Variants in RO60 observed in about 807,000 individuals in gnomAD.
The protein encoded by RO60 is RNA-binding protein RO60.
A neutral mutation model predicts 55.3 loss-of-function variants in RO60; 20 were observed. That is an observed-to-expected ratio of 0.36 (90% CI 0.25 to 0.53). RO60 has a LOEUF of 0.53. Ranked by LOEUF, RO60 falls within the 20% of genes least tolerant of loss-of-function variation. The pLI is 0.92. For missense variants in RO60, 558 were observed against 646.6 expected, an observed-to-expected ratio of 0.86 and a Z score of 1.49; for synonymous variants, 213 against 213.6, an observed-to-expected ratio of 1.00 and a Z score of 0.02.
chr1:193,063,121 G>T (rs1315226740), intron 1 of RO60, among the ~76,000 whole-genome samples: 1 of 152,158 alleles, frequency 6.6e-6, no homozygotes, highest in Non-Finnish European at 1.5e-5. Context: ...CAAAGTGGCT[G>T]TATGATTTTA....
chr1:193,065,584 C>T (rs537357353), intron 1 of RO60, among the ~76,000 whole-genome samples: 1 of 152,190 alleles, frequency 6.6e-6, no homozygotes, highest in African/African-American at 2.4e-5. Flanking sequence ...ACATTGTCTA[C>T]TGGAATTGGC....
chr1:193,073,013 T>A (rs892266280), intron 2 of RO60, among the ~76,000 whole-genome samples: 6 of 152,238 alleles, frequency 3.9e-5, no homozygotes, highest in Admixed American at 6.5e-5. Context: ...ATTAATAGTA[T>A]TTTAATGCCT....
chr1:193,084,661 T>G lies in RO60; in HGVS notation c.1547T>G (p.Met516Arg). The G allele has an allele frequency of 6.2e-7, 1 of 1,613,954 alleles. No homozygotes were observed. The highest frequency in any genetic ancestry group is 8.5e-7 in the Non-Finnish European group (1 of 1,179,924). ...ATTGCAGACCCAGATGATAGAGGCA[T>G]GTTGGATATGTGCGGCTTTGATACT... ...FTIADPDDRG[M>R]LDMCGFDTGA... Residue 516 changes from methionine (M) to arginine (R), a missense_variant, in exon 9 of 9, where the codon ATG (methionine) becomes AGG (arginine). Physicochemically the swap from Met to Arg is moderately conservative, Grantham distance 91. Transcript: ENST00000400968.
At chr1:193,070,728 C>G (rs1208379325) in intron 2 of RO60, 2 of 222,930 alleles carry the variant, frequency 9.0e-6, no homozygotes, top group African/African-American at 4.6e-5. Context: ...AGTAGAAGTA[C>G]ACTTTGGTTC....
chr1:193,078,966 T>G (rs1247093535), intron 5 of RO60, among the ~76,000 whole-genome samples: 1 of 152,068 alleles, frequency 6.6e-6, no homozygotes, highest in South Asian at 2.1e-4. Flanking sequence ...AGTAACTCTT[T>G]CAGTTACTAC....
intron 5 of RO60, among the ~76,000 whole-genome samples, chr1:193,079,028 G>A (rs1053833004): frequency 6.8e-6 from 1 of 146,596 alleles, no homozygotes; most frequent in African/African-American, 2.5e-5. Flanking sequence ...TAAACATATA[G>A]ACCAATGAAA....
At chr1:193,074,186 G>T (rs1467648851) in intron 2 of RO60, among the ~76,000 whole-genome samples, 3 of 152,140 alleles carry the variant, frequency 2.0e-5, no homozygotes, top group East Asian at 1.9e-4. Flanking sequence ...GAATAGTGCC[G>T]CAATAAACAT....
At chr1:193,066,349 T>C (rs1045856560) in intron 1 of RO60, among the ~76,000 whole-genome samples, 1 of 152,234 alleles carries the variant, frequency 6.6e-6, no homozygotes, top group African/African-American at 2.4e-5. Flanking sequence ...TTTATAAGTA[T>C]GTGTCTACAA....
intron 2 of RO60, chr1:193,070,426 T>A (rs1377579137): frequency 3.2e-6 from 1 of 316,956 alleles, no homozygotes; most frequent in Non-Finnish European, 6.5e-6. Flanking sequence ...GTTGGCTCCG[T>A]AATAATTACT....
At chr1:193,061,595 A>G (rs934061153) in intron 1 of RO60, among the ~76,000 whole-genome samples, 1 of 152,254 alleles carries the variant, frequency 6.6e-6, no homozygotes, top group South Asian at 2.1e-4. Flanking sequence ...CTATTATATA[A>G]TGTGTGTTAC....
rs1673331966 is a variant in RO60 at position 193,069,429 on chromosome 1, CTT to C, written c.377_378del (p.Phe126TyrfsTer6). The C allele has an allele frequency of 1.2e-6, 2 of 1,614,088 alleles. No homozygotes were observed. The highest frequency in any genetic ancestry group is 1.7e-6 in the Non-Finnish European group (2 of 1,180,046). ...AAGTTTGTCGCATTCCTACCCATCT[CTT>C]TACTTTTATCCAGTTTAAGAAAGAT... ...SEVCRIPTHL[F>X]TFIQFKKDLK... On this transcript the variant is annotated frameshift_variant, in exon 2 of 9. Transcript: ENST00000400968. LOFTEE classifies it high-confidence loss of function.
At chr1:193,065,396 G>A (rs1673036947) in intron 1 of RO60, among the ~76,000 whole-genome samples, 1 of 152,202 alleles carries the variant, frequency 6.6e-6, no homozygotes. Flanking sequence ...GGGCCTTGGT[G>A]CAGGAAAGCA....
chr1:193,079,961 TAAAAAAAAAAA>T (rs754439147), intron 5 of RO60, among the ~76,000 whole-genome samples: 1 of 115,610 alleles, frequency 8.6e-6, no homozygotes, highest in African/African-American at 3.2e-5. Context: ...ACCCCGTCTC[TAAAAAAAAAAA>T]AAAAAAAAAT....
chr1:193,085,963 T>G lies in RO60; in HGVS notation c.*1232T>G. On this transcript the variant is annotated 3_prime_UTR_variant, in exon 9 of 9. Coordinates refer to ENST00000400968, the MANE Select transcript of RO60 (RefSeq NM_001173524.2). ...TATCCTTCATTGTGAGGTTTAACAT[T>G]AAAGCAATCTGTTGAAATGCCATTA... The G allele has an allele frequency of 4.1e-6, 4 of 985,358 alleles. No homozygotes were observed. Among genetic ancestry groups the G allele is most frequent in the Non-Finnish European group, 4.8e-6 (4 of 829,868 alleles). 61.0% of individuals were successfully genotyped at this position (985,358 alleles called of 1,614,324 possible).
chr1:193,066,927 C>G (rs530762878), intron 1 of RO60, among the ~76,000 whole-genome samples: 2 of 152,294 alleles, frequency 1.3e-5, no homozygotes, highest in African/African-American at 4.8e-5. Flanking sequence ...CTTCTCTGCT[C>G]AAATCCTTCT....
rs773720945 is a variant in RO60 at position 193,084,617 on chromosome 1, G to T, written c.1503G>T (p.Met501Ile). 2 of 1,613,498 alleles carry T rather than the reference G, an allele frequency of 1.2e-6. No homozygotes were observed. The highest frequency in any genetic ancestry group is 1.1e-5 in the South Asian group (1 of 90,914). The change falls in exon 9 of 9, where the codon ATG becomes ATT. Residue 501 changes from methionine to isoleucine, a missense_variant. Physicochemically the swap from Met to Ile is conservative, Grantham distance 10. Coordinates refer to ENST00000400968, the MANE Select transcript of RO60 (RefSeq NM_001173524.2). The part of the protein sequence containing the change: ...DIPAKLIVCG[M>I]TSNGFTIADP... The stretch of plus-strand genomic sequence containing the variant: ...CAGCTAAATTGATTGTTTGTGGAAT[G>T]ACATCAAATGGTTTCACCATTGCAG...
At chr1:193,074,291 A>G (rs1673738982) in intron 2 of RO60, among the ~76,000 whole-genome samples, 1 of 152,200 alleles carries the variant, frequency 6.6e-6, no homozygotes, top group South Asian at 2.1e-4. Flanking sequence ...TTCTAGTTCT[A>G]GATCCCTGAG....
chr1:193,067,662 G>A (rs1319706781), intron 1 of RO60, among the ~76,000 whole-genome samples: 2 of 152,148 alleles, frequency 1.3e-5, no homozygotes, highest in African/African-American at 4.8e-5. Context: ...AATAAACAGT[G>A]ATACTGTAGT....
At chr1:193,075,289 CTT>C (rs5779659) in intron 2 of RO60, among the ~76,000 whole-genome samples, 9 of 135,244 alleles carry the variant, frequency 6.7e-5, no homozygotes, top group African/African-American at 2.2e-4. Flanking sequence ...TTACTGTTTC[CTT>C]TTTTTTTTTT....
Sources: gnomAD v4.1 joint callset for allele counts (sites outside exome capture counted in the v4.1 genomes callset) on GRCh38, gnomAD v4.1.1 for gene constraint, MANE v1.5 for transcripts, NCBI Gene and HGNC (gene_info 2026-07-23, HGNC 2026-07-21) for gene names.